KIAA1328: variants seen among roughly 807,000 people sequenced by gnomAD.
KIAA1328 encodes the protein KIAA1328.
In KIAA1328, 52 loss-of-function variants were observed where a neutral mutation model predicts 68.1. The observed-to-expected ratio is 0.76, with a 90% confidence interval of 0.61 to 0.96. The LOEUF is 0.96. KIAA1328 is among the 40% of genes least tolerant of loss of function. The pLI, the probability that KIAA1328 is intolerant of heterozygous loss-of-function variation, is 0.00. For synonymous variants in KIAA1328, 232 were observed against 239.4 expected, an observed-to-expected ratio of 0.97 and a Z score of 0.28; for missense variants, 641 against 677.6, an observed-to-expected ratio of 0.95 and a Z score of 0.60.
chr18:37,081,832 C>T (rs1177694858), intron 7 of KIAA1328, among the ~76,000 whole-genome samples: 1 of 152,108 alleles, frequency 6.6e-6, no homozygotes, highest in Non-Finnish European at 1.5e-5. Flanking sequence ...TTATCCACAC[C>T]CCGACTCTTC....
chr18:37,039,899 A>G (rs2055179581), intron 6 of KIAA1328, among the ~76,000 whole-genome samples: 1 of 152,114 alleles, frequency 6.6e-6, no homozygotes. Flanking sequence ...CTTGGGAAGA[A>G]TCTGCCTCCT....
In KIAA1328 at chr18:37,118,579, T is replaced by C. The variant is rs115014848; in HGVS notation, c.1233-41621T>C. Among the ~76,000 whole-genome samples, 886 of 152,300 alleles carry C rather than the reference T, an allele frequency of 5.8e-3. 7 individuals are homozygous for C. The highest frequency in any genetic ancestry group is 0.02 in the African/African-American group (852 of 41,570). On this transcript the variant is annotated intron_variant, in intron 7 of 9. Transcript: ENST00000280020. ...CCTTGATTATCATGATCAGTCACCCTAGCAGTATAGTACCCTCTTCTTTGC... is the reference window on the plus strand; with the variant it reads ...CCTTGATTATCATGATCAGTCACCCCAGCAGTATAGTACCCTCTTCTTTGC...
intron 1 of KIAA1328, chr18:36,834,054 C>A: frequency 2.5e-6 from 1 of 399,622 alleles, no homozygotes; most frequent in Non-Finnish European, 3.9e-6. Flanking sequence ...GGAACAAGAC[C>A]TTCCAAGATT....
At chr18:37,073,804 A>G (rs2056615396) in intron 7 of KIAA1328, among the ~76,000 whole-genome samples, 1 of 152,042 alleles carries the variant, frequency 6.6e-6, no homozygotes, top group African/African-American at 2.4e-5. Context: ...TTTTTGCAGC[A>G]TTTTTATGAT....
At chr18:36,845,944 A>G (rs1259843427) in intron 4 of KIAA1328, among the ~76,000 whole-genome samples, 1 of 151,644 alleles carries the variant, frequency 6.6e-6, no homozygotes, top group Non-Finnish European at 1.5e-5. Context: ...GTGTGTTAGT[A>G]CAATGTCAGT....
intron 6 of KIAA1328, among the ~76,000 whole-genome samples, chr18:37,001,905 A>G (rs1460005867): frequency 6.6e-6 from 1 of 152,196 alleles, no homozygotes; most frequent in Non-Finnish European, 1.5e-5. Flanking sequence ...ATCATATTGA[A>G]TGGAGAAAAG....
intron 5 of KIAA1328, among the ~76,000 whole-genome samples, chr18:36,949,384 G>T (rs1345407414): frequency 1.3e-5 from 2 of 152,094 alleles, no homozygotes. Flanking sequence ...ATAAAAACAT[G>T]AAATCAAAGT....
At chr18:37,124,290 T>A (rs2058341015) in intron 7 of KIAA1328, among the ~76,000 whole-genome samples, 1 of 152,160 alleles carries the variant, frequency 6.6e-6, no homozygotes, top group Admixed American at 6.5e-5. Flanking sequence ...CTCAAGCAAA[T>A]AATTTTATGA....
intron 7 of KIAA1328, among the ~76,000 whole-genome samples, chr18:37,119,230 GAAAAT>G (rs1243321835): frequency 1.3e-5 from 2 of 152,232 alleles, no homozygotes; most frequent in South Asian, 2.1e-4. Flanking sequence ...CTATCAGTTT[GAAAAT>G]AAAATAAAGG....
In KIAA1328 at chr18:37,003,926, T is replaced by C. The variant is rs150660951; in HGVS notation, c.576+44491T>C. On this transcript the variant is annotated intron_variant, in intron 6 of 9. Coordinates refer to ENST00000280020, the MANE Select transcript of KIAA1328 (RefSeq NM_020776.3). The stretch of plus-strand genomic sequence containing the variant: ...ATTTGGTTTATTTCTGCGTTCTCCA[T>C]TCTGTTCCATTGGTCTATGTGCCCA... Among the ~76,000 whole-genome samples, 351 of 152,246 alleles carry C rather than the reference T, an allele frequency of 2.3e-3. 2 individuals carry two copies. The highest frequency in any genetic ancestry group is 8.3e-3 in the African/African-American group (343 of 41,566).
chr18:37,112,920 T>C (rs1483379999), intron 7 of KIAA1328, among the ~76,000 whole-genome samples: 1 of 151,768 alleles, frequency 6.6e-6, no homozygotes, highest in Non-Finnish European at 1.5e-5. Flanking sequence ...TGATTGAAGA[T>C]CAAATGAATG....
intron 6 of KIAA1328, among the ~76,000 whole-genome samples, chr18:36,970,359 G>T (rs895187033): frequency 6.6e-6 from 1 of 152,206 alleles, no homozygotes; most frequent in African/African-American, 2.4e-5. Context: ...ATACTGATTG[G>T]GGAAAAGCTG....
intron 7 of KIAA1328, among the ~76,000 whole-genome samples, chr18:37,076,306 C>T (rs1307061294): frequency 2.0e-5 from 3 of 152,032 alleles, no homozygotes; most frequent in Non-Finnish European, 4.4e-5. Context: ...ACACAACATA[C>T]CAGAATCTCT....
At chr18:37,156,962 G>GC (rs1037112233) in intron 7 of KIAA1328, among the ~76,000 whole-genome samples, 5 of 152,122 alleles carry the variant, frequency 3.3e-5, no homozygotes, top group African/African-American at 1.2e-4. Context: ...ACAGACTTTT[G>GC]CAATGTCTGC....
chr18:37,182,082 T>G (rs376388328), intron 9 of KIAA1328, among the ~76,000 whole-genome samples: 1 of 152,188 alleles, frequency 6.6e-6, no homozygotes, highest in Admixed American at 6.5e-5. Context: ...CTCTGAAAAC[T>G]GCTATGAATG....
At chr18:37,089,467 C>A (rs780944955) in intron 7 of KIAA1328, among the ~76,000 whole-genome samples, 1 of 149,670 alleles carries the variant, frequency 6.7e-6, no homozygotes, top group Non-Finnish European at 1.5e-5. Flanking sequence ...CTCCACCTTC[C>A]GGGTTCAAGC....
intron 3 of KIAA1328, among the ~76,000 whole-genome samples, chr18:36,843,631 G>A (rs1233476014): frequency 2.0e-5 from 3 of 152,140 alleles, no homozygotes; most frequent in Non-Finnish European, 2.9e-5. Context: ...TACCCTTAAA[G>A]TAGAATAGGA....
At chr18:37,070,253 A>T (rs1038495560) in intron 7 of KIAA1328, among the ~76,000 whole-genome samples, 2 of 152,074 alleles carry the variant, frequency 1.3e-5, no homozygotes, top group African/African-American at 4.8e-5. Flanking sequence ...CTCTATCTTG[A>T]TATATGTTCC....
At chr18:37,070,862 A>C (rs2056500710) in intron 7 of KIAA1328, among the ~76,000 whole-genome samples, 1 of 151,934 alleles carries the variant, frequency 6.6e-6, no homozygotes, top group Admixed American at 6.6e-5. Flanking sequence ...CCTTTACCTG[A>C]TGCTAATATA....
Sources: allele counts gnomAD v4.1 joint callset (sites outside exome capture counted in the v4.1 genomes callset), GRCh38; gene constraint gnomAD v4.1.1; transcripts MANE v1.5; gene names NCBI Gene and HGNC (gene_info 2026-07-23, HGNC 2026-07-21).